Variants in FAT3 observed in about 807,000 individuals in gnomAD.
FAT3 encodes FAT atypical cadherin 3, also known as protocadherin Fat 3.
In FAT3, 95 loss-of-function variants were observed where a neutral mutation model predicts 310.2. The observed-to-expected ratio is 0.31, with a 90% CI of 0.26 to 0.36. The LOEUF (loss-of-function observed/expected upper bound fraction) is 0.36, where lower values mean the gene tolerates loss of function less well. Ranked by LOEUF, FAT3 falls within the 10% of genes least tolerant of loss-of-function variation. FAT3 has a pLI of 1.00. For missense variants in FAT3, 5,408 were observed against 5,715.6 expected, an observed-to-expected ratio of 0.95 and a Z score of 1.74; for synonymous variants, 2,314 against 2,192.9, an observed-to-expected ratio of 1.06 and a Z score of -1.54.
intron 17 of FAT3, among the ~76,000 whole-genome samples, chr11:92,838,127 C>G (rs1266214004): frequency 3.3e-5 from 5 of 152,172 alleles, no homozygotes; most frequent in Admixed American, 3.3e-4. Context: ...TTAAGTAATT[C>G]ACCAAAGATC....
At chr11:92,432,809 T>C (rs1417092771) in intron 2 of FAT3, among the ~76,000 whole-genome samples, 1 of 152,066 alleles carries the variant, frequency 6.6e-6, no homozygotes, top group Non-Finnish European at 1.5e-5. Context: ...GGAGGAACGT[T>C]TAAGTCTGCT....
chr11:92,822,039 T>C (rs143653526), intron 13 of FAT3, among the ~76,000 whole-genome samples: 14 of 152,320 alleles, frequency 9.2e-5, no homozygotes, highest in Admixed American at 1.3e-4. Flanking sequence ...CAGTTGATTA[T>C]AATGCCTTTC....
chr11:92,877,619 T>C (rs892273595), intron 22 of FAT3, among the ~76,000 whole-genome samples: 1 of 152,194 alleles, frequency 6.6e-6, no homozygotes, highest in Admixed American at 6.5e-5. Flanking sequence ...AAACTGACCA[T>C]GACAAAGCTA....
chr11:92,889,274 AT>A (rs1383367504), intron 26 of FAT3, 26 bp downstream of exon 26: 3 of 689,964 alleles, frequency 4.3e-6, no homozygotes, highest in African/African-American at 1.8e-5. Flanking sequence ...CTTCCATAGC[AT>A]TTCTTGAAAT....
chr11:92,867,278 T>C (rs1383940285), intron 22 of FAT3, 69 bp downstream of exon 22: 3 of 1,387,226 alleles, frequency 2.2e-6, no homozygotes, highest in Non-Finnish European at 2.9e-6. Context: ...TGCAGGGGGA[T>C]CCCTGCCCTC....
chr11:92,765,223 G>T, intron 6 of FAT3, 134 bp downstream of exon 6: 1 of 792,184 alleles, frequency 1.3e-6, no homozygotes, highest in Non-Finnish European at 1.9e-6. Flanking sequence ...GTGCTGGAAT[G>T]CAAAAGAGCC....
Position 92,895,796 on chromosome 11 carries a change from T to C in FAT3, c.*4683T>C, listed in dbSNP as rs1950016063. On this transcript the variant is annotated 3_prime_UTR_variant, in exon 28 of 28. Transcript: ENST00000525166. Reference sequence around the variant, plus strand: ...AAATGTTTATAAAATTGTATATAAATGGTTTCAATTTTCCAGGCTTTTGTA... The same window carrying C: ...AAATGTTTATAAAATTGTATATAAACGGTTTCAATTTTCCAGGCTTTTGTA... The C allele has an allele frequency of 6.6e-6, 1 of 152,160 alleles. No homozygotes were observed. The highest frequency in any genetic ancestry group is 1.5e-5 in the Non-Finnish European group (1 of 68,014). 9.4% of individuals were successfully genotyped at this position (152,160 alleles called of 1,614,324 possible).
chr11:92,646,491 A>C (rs753443758), intron 3 of FAT3, among the ~76,000 whole-genome samples: 1 of 152,246 alleles, frequency 6.6e-6, no homozygotes. Context: ...CCATGAGAGA[A>C]GTACAAAAGA....
intron 3 of FAT3, among the ~76,000 whole-genome samples, chr11:92,688,814 A>AT (rs1329735402): frequency 6.6e-6 from 1 of 152,222 alleles, no homozygotes; most frequent in Non-Finnish European, 1.5e-5. Flanking sequence ...TCTCAAAAAA[A>AT]TGTAACCATG....
chr11:92,736,238 G>A lies in FAT3; in HGVS notation c.3670-25618G>A, dbSNP rs146162604. Among the ~76,000 whole-genome samples, 1,293 of 152,172 alleles carry A rather than the reference G, an allele frequency of 8.5e-3. 29 individuals are homozygous for A. Among genetic ancestry groups the A allele is most frequent in the African/African-American group, 0.029 (1,215 of 41,528 alleles). On this transcript the variant is annotated intron_variant, in intron 4 of 27. Coordinates refer to ENST00000525166, the MANE Select transcript of FAT3 (RefSeq NM_001367949.2). ...TATCTGGAGCTGCCATTTGAGAGTC[G>A]CCAGCAGAGGGTTCAAGTTCAGGTA...
chr11:92,819,199 C>T (rs1947898265), intron 13 of FAT3, among the ~76,000 whole-genome samples: 1 of 152,156 alleles, frequency 6.6e-6, no homozygotes, highest in African/African-American at 2.4e-5. Flanking sequence ...GGTTAACAGA[C>T]ATTCAATTAA....
chr11:92,389,208 G>C (rs1264180010), intron 2 of FAT3, among the ~76,000 whole-genome samples: 1 of 152,108 alleles, frequency 6.6e-6, no homozygotes, highest in Non-Finnish European at 1.5e-5. Context: ...CAGTCAGTTT[G>C]GGCTGCTTTA....
In FAT3 at chr11:92,800,747, A is replaced by G. The variant is rs1381972295; in HGVS notation, c.7734A>G (p.Gly2578=). Residue 2578 remains glycine, a synonymous_variant, in exon 10 of 28, where the codon GGA becomes GGG. Coordinates refer to ENST00000525166, the MANE Select transcript of FAT3 (RefSeq NM_001367949.2). ...TTTTTGTGAGGGCCCTTGATGGTGGAGGGAGAACAACTTTCTGCACTGTGA... is the reference window on the plus strand; with the variant it reads ...TTTTTGTGAGGGCCCTTGATGGTGGGGGGAGAACAACTTTCTGCACTGTGA... ...VSIFVRALDG[G]GRTTFCTVRV... is the part of the protein sequence containing the mutation. 12 of 1,613,794 alleles carry G rather than the reference A, an allele frequency of 7.4e-6. No homozygotes were observed. The highest frequency in any genetic ancestry group is 2.2e-5 in the East Asian group (1 of 44,860).
chr11:92,742,311 A>C (rs1457158860), intron 4 of FAT3, among the ~76,000 whole-genome samples: 1 of 152,226 alleles, frequency 6.6e-6, no homozygotes, highest in Non-Finnish European at 1.5e-5. Flanking sequence ...AGGATTTTAT[A>C]AGAACTACAG....
intron 4 of FAT3, among the ~76,000 whole-genome samples, chr11:92,759,452 G>T (rs1414674384): frequency 6.6e-6 from 1 of 152,162 alleles, no homozygotes; most frequent in African/African-American, 2.4e-5. Flanking sequence ...TGAGGGGGCG[G>T]GAAAGCTGGC....
chr11:92,597,358 A>G (rs889012823), intron 3 of FAT3, among the ~76,000 whole-genome samples: 23 of 152,340 alleles, frequency 1.5e-4, no homozygotes, highest in African/African-American at 5.5e-4. Context: ...TAGCTGAGGA[A>G]ATGGAAAATC....
At chr11:92,425,845 T>A (rs639893) in intron 2 of FAT3, among the ~76,000 whole-genome samples, 97,312 of 152,136 alleles carry the variant, frequency 0.64, 36,235 homozygotes, top group East Asian at 0.8. Context: ...AGTAAACATA[T>A]GTGTGCATGT....
intron 1 of FAT3, among the ~76,000 whole-genome samples, chr11:92,288,890 A>G (rs776744631): frequency 2.0e-5 from 3 of 152,128 alleles, no homozygotes; most frequent in Non-Finnish European, 4.4e-5. Context: ...GGTGATGGAC[A>G]GTTAAACCTG....
chr11:92,463,189 TG>T (rs1460981427), intron 2 of FAT3, among the ~76,000 whole-genome samples: 2 of 152,234 alleles, frequency 1.3e-5, no homozygotes, highest in Non-Finnish European at 2.9e-5. Flanking sequence ...TGTCTAATAA[TG>T]TGTGGTATTG....
Sources: gnomAD v4.1 joint callset for allele counts (sites outside exome capture counted in the v4.1 genomes callset) on GRCh38, gnomAD v4.1.1 for gene constraint, MANE v1.5 for transcripts, NCBI Gene and HGNC (gene_info 2026-07-23, HGNC 2026-07-21) for gene names.